The following ZNF534 variants were observed in gnomAD, a reference collection of about 807,000 sequenced individuals.
The protein encoded by ZNF534 is zinc finger protein 534.
Under a neutral mutation model 13.6 loss-of-function variants are expected in ZNF534, and 19 were observed. The ratio of observed to expected loss-of-function variants is 1.40; its 90% confidence interval spans 0.97 to 2.05. ZNF534 has a LOEUF of 2.05. Among genes scored for constraint, ZNF534 ranks in the 30% most tolerant of loss-of-function variants. The probability of loss-of-function intolerance (pLI) is 0.00; values close to 1 mark genes in which losing one functional copy is unlikely to be tolerated. For missense variants in ZNF534, 782 were observed against 796.3 expected (o/e 0.98, Z 0.22); for synonymous variants, 244 against 273.8 (o/e 0.89, Z 1.07).
Position 52,439,085 on chromosome 19 carries a change from A to G in ZNF534, c.1625A>G (p.Asn542Ser), listed in dbSNP as rs1433003308. 1.3e-6 allele frequency: 2 copies of G among 1,593,666 alleles called. No homozygotes were observed. The highest frequency in any genetic ancestry group is 1.4e-5 in the African/African-American group (1 of 74,018). The part of the protein sequence containing the change: ...RRNSHLVRHR[N>S]VHTGEKPYSC... ...AATTCACACCTTGTGCGACATAGGA[A>G]TGTTCATACTGGAGAAAAGCCTTAC... Residue 542 changes from asparagine (N) to serine (S), a missense_variant, in exon 5 of 5, where the codon AAT becomes AGT. Coordinates refer to ENST00000433050, the MANE Select transcript of ZNF534 (RefSeq NM_001143938.3).
In ZNF534 at chr19:52,441,307, G is replaced by C. The variant is rs1319444280; in HGVS notation, c.*1861G>C. Among the ~76,000 whole-genome samples the C allele has an allele frequency of 1.3e-5, 2 of 152,194 alleles. No homozygotes were observed. Among genetic ancestry groups the C allele is most frequent in the Non-Finnish European group, 2.9e-5 (2 of 68,034 alleles). On this transcript the variant is annotated 3_prime_UTR_variant, in exon 5 of 5. Coordinates refer to ENST00000433050, the MANE Select transcript of ZNF534 (RefSeq NM_001143938.3). ...AGGTGAGAGGATTGCTTGAACCCAGGAGTTTGAGACCAACCTGGGTAACAT... is the reference window on the plus strand; with the variant it reads ...AGGTGAGAGGATTGCTTGAACCCAGCAGTTTGAGACCAACCTGGGTAACAT...
In ZNF534 at chr19:52,442,366, A is replaced by G. The variant is rs1214344153; in HGVS notation, c.*2920A>G. Reference sequence around the variant, plus strand: ...CATGTGCATTCTGTGCCTTAAGGACATGTTCATGCTGCAGATAACTAACCA... The same window carrying G: ...CATGTGCATTCTGTGCCTTAAGGACGTGTTCATGCTGCAGATAACTAACCA... On this transcript the variant is annotated 3_prime_UTR_variant, in exon 5 of 5. Transcript: ENST00000433050. Among the ~76,000 whole-genome samples, 2 of 152,238 alleles carry G rather than the reference A, an allele frequency of 1.3e-5. No homozygotes were observed. The highest frequency in any genetic ancestry group is 4.8e-5 in the African/African-American group (2 of 41,470).
At chr19:52,445,452 C>T (rs139065713), downstream of ZNF534, among the ~76,000 whole-genome samples, 346 of 152,300 alleles carry the variant, frequency 2.3e-3, 4 homozygotes, top group East Asian at 8.1e-3. Context: ...CTGCCTCAGC[C>T]TCCCAAGATG....
intron 1 of ZNF534, among the ~76,000 whole-genome samples, chr19:52,429,592 C>CTTTTTTTTTTTTTTTTTTTTTTGT (rs112310318): frequency 7.2e-6 from 1 of 137,990 alleles, no homozygotes; most frequent in African/African-American, 2.7e-5. Flanking sequence ...ACTTAATAGT[C>CTTTTTTTTTTTTTTTTTTTTTTGT]TTTTTTTTTT....
downstream of ZNF534, among the ~76,000 whole-genome samples, chr19:52,442,604 C>T (rs1184953543): frequency 6.6e-6 from 1 of 152,180 alleles, no homozygotes. Context: ...GGGTTAGGGT[C>T]CCCATGACTG....
chr19:52,430,221 G>T (rs1209646829), intron 1 of ZNF534, among the ~76,000 whole-genome samples: 1 of 151,832 alleles, frequency 6.6e-6, no homozygotes, highest in Admixed American at 6.6e-5. Context: ...TGACCATGTT[G>T]GCCAGGCTGG....
intron 2 of ZNF534, among the ~76,000 whole-genome samples, chr19:52,432,593 C>T (rs184548855): frequency 1.1e-3 from 172 of 152,100 alleles, no homozygotes; most frequent in African/African-American, 3.4e-3. Context: ...TTGTTATCAT[C>T]GCAGTTTTCA....
At chr19:52,429,425 G>A (rs2059071649) in intron 1 of ZNF534, among the ~76,000 whole-genome samples, 181 bp downstream of exon 1, 1 of 152,138 alleles carries the variant, frequency 6.6e-6, no homozygotes, top group Non-Finnish European at 1.5e-5. Context: ...ACCGCTTGGA[G>A]GCTTCTAGGC....
chr19:52,430,603 T>G (rs938350669), intron 1 of ZNF534, among the ~76,000 whole-genome samples: 19 of 151,278 alleles, frequency 1.3e-4, no homozygotes, highest in Admixed American at 4.6e-4. Context: ...CAGGCTGGAG[T>G]GCAGTGTTAA....
In ZNF534 at chr19:52,438,491, A is replaced by G. The variant is rs973160353; in HGVS notation, c.1031A>G (p.His344Arg). Residue 344 changes from histidine to arginine, a missense_variant, in exon 5 of 5, where the codon CAT becomes CGT. This residue lies in a region of ZNF534 where 591 missense variants were observed against 574.0 expected (regional missense o/e 1.03). Coordinates refer to ENST00000433050, the MANE Select transcript of ZNF534 (RefSeq NM_001143938.3). ...AGGCATAAGTCTTCCCTAACCACTC[A>G]TCAGACAGTTCATACTGGAGAGAGA... The part of the protein sequence containing the change: ...VFRHKSSLTT[H>R]QTVHTGERPY... The G allele has an allele frequency of 1.3e-6, 2 of 1,594,834 alleles. No homozygotes were observed. Among genetic ancestry groups the G allele is most frequent in the African/African-American group, 2.7e-5 (2 of 74,632 alleles).
chr19:52,432,041 A>G (rs914919976), intron 2 of ZNF534, among the ~76,000 whole-genome samples: 15 of 151,788 alleles, frequency 9.9e-5, no homozygotes, highest in African/African-American at 3.4e-4. Context: ...GTTTTTATAA[A>G]TAGCATGTCA....
At chr19:52,435,872 T>C (rs1344645745) in intron 4 of ZNF534, among the ~76,000 whole-genome samples, 1 of 152,020 alleles carries the variant, frequency 6.6e-6, no homozygotes, top group African/African-American at 2.4e-5. Flanking sequence ...GCCTGAATTA[T>C]TTTTGTAGAT....
In ZNF534 at chr19:52,437,881, G is replaced by A. The variant is rs1289379315; in HGVS notation, c.421G>A (p.Asp141Asn). The A allele has an allele frequency of 6.2e-7, 1 of 1,613,682 alleles. No individual in the cohort carries two copies. Among genetic ancestry groups the A allele is most frequent in the South Asian group, 1.1e-5 (1 of 90,972 alleles). Residue 141 changes from aspartate to asparagine, a missense_variant, in exon 5 of 5, where the codon GAC (aspartate) becomes AAC (asparagine). Asp to Asn is a conservative substitution (Grantham distance 23). Transcript: ENST00000433050. The stretch of plus-strand genomic sequence containing the variant: ...TAAGCATGTTGAGAAATCTATCAGT[G>A]ACAATTCTTCAGTTTCACCAGTTCA... ...GCKHVEKSIS[D>N]NSSVSPVQIS...
intron 4 of ZNF534, among the ~76,000 whole-genome samples, chr19:52,448,483 A>G (rs1339313688): frequency 6.6e-6 from 1 of 152,140 alleles, no homozygotes; most frequent in Non-Finnish European, 1.5e-5. Flanking sequence ...TAGACTTATT[A>G]AGCCCAGCAG....
downstream of ZNF534, among the ~76,000 whole-genome samples, chr19:52,447,365 A>G (rs73934529): frequency 0.027 from 4,087 of 152,162 alleles, 156 homozygotes; most frequent in African/African-American, 0.086. Context: ...ATTTGTTTTT[A>G]TTTCTTTATT....
intron 4 of ZNF534, 44 bp from the exon 5 acceptor site, chr19:52,437,688 T>C: frequency 6.6e-7 from 1 of 1,505,378 alleles, no homozygotes; most frequent in Non-Finnish European, 8.9e-7. Context: ...ACTTTAAACA[T>C]GCCAGAATCG....
At chr19:52,430,148 T>C (rs2122646131) in intron 1 of ZNF534, among the ~76,000 whole-genome samples, 1 of 151,212 alleles carries the variant, frequency 6.6e-6, no homozygotes, top group African/African-American at 2.4e-5. Flanking sequence ...CCCGAGTAGC[T>C]GGGATTACAG....
chr19:52,434,623 C>T (rs375454771), intron 3 of ZNF534, among the ~76,000 whole-genome samples: 270 of 151,020 alleles, frequency 1.8e-3, no homozygotes, highest in South Asian at 9.5e-3. Context: ...CCCAGCTACT[C>T]GGGAGACTGA....
At chr19:52,443,250 C>A (rs891228429), downstream of ZNF534, among the ~76,000 whole-genome samples, 1 of 152,014 alleles carries the variant, frequency 6.6e-6, no homozygotes, top group South Asian at 2.1e-4. Flanking sequence ...TATCTTTTTG[C>A]GATGAATTTC....
Sources: gnomAD v4.1 joint callset for allele counts (sites outside exome capture counted in the v4.1 genomes callset) on GRCh38, gnomAD v4.1.1 for gene constraint, gnomAD v4.1.1 regional missense constraint, MANE v1.5 for transcripts, NCBI Gene and HGNC (gene_info 2026-07-23, HGNC 2026-07-21) for gene names.